Variants in GOLM1 observed in about 807,000 individuals in gnomAD.
GOLM1 encodes the protein epididymis luminal protein 46.
GOLM1 carries 31 observed loss-of-function variants against 50.5 expected under a neutral mutation model. The observed-to-expected ratio is 0.61, with a 90% CI of 0.46 to 0.83. The LOEUF is 0.83. GOLM1 is among the 40% of genes least tolerant of loss of function. The pLI, the probability that GOLM1 is intolerant of heterozygous loss-of-function variation, is 0.00. For synonymous variants in GOLM1, 178 were observed against 192.8 expected, an observed-to-expected ratio of 0.92 and a Z score of 0.64; for missense variants, 491 against 501.3, an observed-to-expected ratio of 0.98 and a Z score of 0.20.
chr9:86,043,248 G>C (rs1392909060), intron 5 of GOLM1, among the ~76,000 whole-genome samples: 1 of 152,206 alleles, frequency 6.6e-6, no homozygotes, highest in Non-Finnish European at 1.5e-5. Context: ...TTTTCGGATG[G>C]AGTGCAGTGA....
At chr9:86,060,625 T>C (rs911800505) in intron 3 of GOLM1, among the ~76,000 whole-genome samples, 2 of 151,960 alleles carry the variant, frequency 1.3e-5, no homozygotes, top group African/African-American at 4.8e-5. Context: ...CTCACGCCTG[T>C]AATCCCAGCA....
In GOLM1 at chr9:86,035,397, T is replaced by G. The variant is rs746390382; in HGVS notation, c.986A>C (p.Gln329Pro). The change falls in exon 8 of 10, where the codon CAG (glutamine) becomes CCG (proline). Residue 329 changes from glutamine (Q) to proline (P), a missense_variant. Coordinates refer to ENST00000388712, the MANE Select transcript of GOLM1 (RefSeq NM_016548.4). ...ERDQLVIPDG[Q>P]EEEQEAAGEG... is the part of the protein sequence containing the mutation. ...CCCGGCAGCTTCCTGCTCCTCCTCC[T>G]GTCCGTCGGGGATGACAAGCTGGTC... The G allele has an allele frequency of 7.4e-6, 12 of 1,613,996 alleles. No homozygotes were observed. The highest frequency in any genetic ancestry group is 1.7e-5 in the Admixed American group (1 of 60,012).
chr9:86,080,961 T>G (rs1445476730), intron 1 of GOLM1, among the ~76,000 whole-genome samples: 3 of 152,188 alleles, frequency 2.0e-5, no homozygotes, highest in African/African-American at 7.2e-5. Context: ...TGTGGCTCAC[T>G]GAAGCCTCAA....
intron 5 of GOLM1, among the ~76,000 whole-genome samples, 199 bp from the exon 6 acceptor site, chr9:86,041,067 C>G (rs1833329376): frequency 6.6e-6 from 1 of 152,098 alleles, no homozygotes; most frequent in Admixed American, 6.5e-5. Context: ...AATCATCATC[C>G]CATTGTTCTA....
intron 9 of GOLM1, among the ~76,000 whole-genome samples, chr9:86,031,453 T>G (rs1355970621): frequency 2.9e-5 from 4 of 140,280 alleles, no homozygotes; most frequent in African/African-American, 8.3e-5. Flanking sequence ...ACTGAGGTTT[T>G]TTTTTTTTTT....
At chr9:86,030,643 G>A (rs79011095) in intron 9 of GOLM1, among the ~76,000 whole-genome samples, 2,085 of 152,254 alleles carry the variant, frequency 0.014, 44 homozygotes, top group African/African-American at 0.045. Flanking sequence ...TAAATGCAGT[G>A]TATAATCCTG....
chr9:86,069,581 A>G (rs947969644), intron 3 of GOLM1, among the ~76,000 whole-genome samples: 2 of 152,338 alleles, frequency 1.3e-5, no homozygotes, highest in South Asian at 2.1e-4. Flanking sequence ...TAATTAACCC[A>G]TTAATACTCT....
chr9:86,055,359 A>G (rs1157291437), intron 3 of GOLM1, among the ~76,000 whole-genome samples: 1 of 152,146 alleles, frequency 6.6e-6, no homozygotes, highest in Non-Finnish European at 1.5e-5. Context: ...TTTACGCAGC[A>G]CCTGCTACTC....
At chr9:86,057,112 G>A (rs1293937995) in intron 3 of GOLM1, among the ~76,000 whole-genome samples, 1 of 152,150 alleles carries the variant, frequency 6.6e-6, no homozygotes, top group Non-Finnish European at 1.5e-5. Context: ...AGACAAGGAG[G>A]CAATAAGCGC....
At chr9:86,064,870 G>C (rs1025616049) in intron 3 of GOLM1, among the ~76,000 whole-genome samples, 37 of 152,332 alleles carry the variant, frequency 2.4e-4, no homozygotes, top group African/African-American at 8.9e-4. Flanking sequence ...GCCTTTTGCT[G>C]TGCTTTCCTG....
chr9:86,070,700 G>A (rs1289583050), intron 3 of GOLM1, among the ~76,000 whole-genome samples: 1 of 152,136 alleles, frequency 6.6e-6, no homozygotes, highest in Non-Finnish European at 1.5e-5. Flanking sequence ...AGTAAGTACT[G>A]GTACATGGAC....
intron 1 of GOLM1, among the ~76,000 whole-genome samples, chr9:86,086,113 C>T (rs954522821): frequency 1.3e-5 from 2 of 152,206 alleles, no homozygotes; most frequent in African/African-American, 4.8e-5. Flanking sequence ...GTTCCTATTT[C>T]TCCATTCTCT....
intron 6 of GOLM1, 110 bp from the exon 7 acceptor site, chr9:86,036,617 C>A: frequency 9.0e-7 from 1 of 1,113,224 alleles, no homozygotes; most frequent in Non-Finnish European, 1.3e-6. Flanking sequence ...CATATCCTTC[C>A]AACCAAGACC....
rs572732442 is a variant in GOLM1 at position 86,041,694 on chromosome 9, G to A, written c.468-826C>T. Among the ~76,000 whole-genome samples the A allele has an allele frequency of 2.0e-5, 3 of 152,270 alleles. No individual in the cohort carries two copies. The East Asian group carries it at 5.8e-4, about 29-fold the overall frequency. The stretch of plus-strand genomic sequence containing the variant: ...GGGGGTGGCGGGTAACCCTAAAGCT[G>A]TAGCCAGCCAGGCAGAAGTGAGGGT... On this transcript the variant is annotated intron_variant, in intron 5 of 9. Transcript: ENST00000388712.
intron 4 of GOLM1, among the ~76,000 whole-genome samples, chr9:86,047,476 A>T (rs1440146785): frequency 1.3e-5 from 2 of 152,132 alleles, no homozygotes; most frequent in African/African-American, 4.8e-5. Flanking sequence ...TGACACCCTC[A>T]AGAGACAAAG....
chr9:86,085,677 T>C (rs1488813630), intron 1 of GOLM1, among the ~76,000 whole-genome samples: 1 of 152,074 alleles, frequency 6.6e-6, no homozygotes, highest in African/African-American at 2.4e-5. Context: ...TTTCCCTCCC[T>C]GTGTCCATGT....
intron 1 of GOLM1, among the ~76,000 whole-genome samples, chr9:86,099,149 C>G (rs1010740232): frequency 6.6e-6 from 1 of 152,174 alleles, no homozygotes; most frequent in Non-Finnish European, 1.5e-5. Flanking sequence ...CGCGAGGCCC[C>G]TCATCGCAGG....
At chr9:86,046,829 TCTC>T (rs1275251140) in intron 4 of GOLM1, among the ~76,000 whole-genome samples, 3 of 152,060 alleles carry the variant, frequency 2.0e-5, no homozygotes, top group African/African-American at 7.2e-5. Context: ...CTCTCTTAAA[TCTC>T]CTTTTTGGCC....
intron 3 of GOLM1, among the ~76,000 whole-genome samples, chr9:86,063,463 T>C (rs1481404842): frequency 6.6e-6 from 1 of 152,290 alleles, no homozygotes; most frequent in East Asian, 1.9e-4. Flanking sequence ...CACAGACCTT[T>C]GGGGATGAAA....
Sources: gnomAD v4.1 joint callset for allele counts (sites outside exome capture counted in the v4.1 genomes callset) on GRCh38, gnomAD v4.1.1 for gene constraint, MANE v1.5 for transcripts, NCBI Gene and HGNC (gene_info 2026-07-23, HGNC 2026-07-21) for gene names.